Variants in DLST observed in about 807,000 individuals in gnomAD.
DLST encodes the protein dihydrolipoyllysine-residue succinyltransferase component of 2-oxoglutarate dehydrogenase complex, mitochondrial.
A neutral mutation model predicts 53.1 loss-of-function variants in DLST; 17 were observed. That is an observed-to-expected ratio of 0.32 (90% CI 0.22 to 0.48). The LOEUF is 0.48. Among genes scored for constraint, DLST ranks in the 20% least tolerant of loss-of-function variants. The pLI is 0.99. For synonymous variants in DLST, 206 were observed against 204.8 expected, an observed-to-expected ratio of 1.01 and a Z score of -0.05; for missense variants, 512 against 583.9, an observed-to-expected ratio of 0.88 and a Z score of 1.27.
rs150218582 is a variant in DLST, at chr14:74,899,021, G to T, written c.901+522G>T. Among the ~76,000 whole-genome samples, 1,038 of 152,270 alleles carry T rather than the reference G, an allele frequency of 6.8e-3. 11 individuals carry two copies. Among genetic ancestry groups the T allele is most frequent in the Non-Finnish European group, 0.012 (787 of 68,030 alleles). On this transcript the variant is annotated intron_variant, in intron 11 of 14. Transcript: ENST00000334220. ...CTAACAAGCACTTTGTTTTCCTGTT[G>T]ACACACTTCTCTGTTCCTTGGGAGA...
At chr14:74,889,605 A>G in intron 5 of DLST, 1 of 536,300 alleles carries the variant, frequency 1.9e-6, no homozygotes, top group Non-Finnish European at 3.3e-6. Flanking sequence ...TCCTGACCTC[A>G]GGTGATCTGC....
intron 2 of DLST, among the ~76,000 whole-genome samples, chr14:74,884,156 G>A (rs1448599018): frequency 6.6e-6 from 1 of 152,190 alleles, no homozygotes; most frequent in Non-Finnish European, 1.5e-5. Flanking sequence ...TTGTGCAAAG[G>A]TTTTCAGACA....
intron 2 of DLST, among the ~76,000 whole-genome samples, chr14:74,884,248 C>T (rs562366931): frequency 3.9e-4 from 60 of 152,280 alleles, no homozygotes; most frequent in Middle Eastern, 3.4e-3. Context: ...TACAGGATCG[C>T]GTAAAGTGTG....
At chr14:74,888,151 A>G (rs1172792085) in intron 3 of DLST, among the ~76,000 whole-genome samples, 1 of 152,210 alleles carries the variant, frequency 6.6e-6, no homozygotes, top group African/African-American at 2.4e-5. Context: ...CCATATCAGT[A>G]AACGCCTTGG....
At position 74,893,365 on chromosome 14, in the gene DLST, ACT is replaced by A; in HGVS notation, c.614_615del (p.Thr205SerfsTer7). On this transcript the variant is annotated frameshift_variant, in exon 9 of 15. Transcript: ENST00000334220. LOFTEE classifies it high-confidence loss of function. The stretch of plus-strand genomic sequence containing the variant: ...ATTTTCAGTGTCTGCAGTAAAACCC[ACT>A]GTTGCCCCACCACTAGCTGAGCCAG... The part of the protein sequence containing the change: ...SGKPVSAVKP[T>X]VAPPLAEPGA... 6.2e-7 allele frequency: 1 copy of A among 1,614,142 alleles called. No homozygotes were observed. Among genetic ancestry groups the A allele is most frequent in the Non-Finnish European group, 8.5e-7 (1 of 1,180,026 alleles).
chr14:74,891,314 AGT>A, intron 7 of DLST, 147 bp downstream of exon 7: 1 of 1,430,678 alleles, frequency 7.0e-7, no homozygotes, highest in East Asian at 2.5e-5. Flanking sequence ...ATTTATATAT[AGT>A]GTGAACTTCA....
At chr14:74,893,959 T>C (rs1883993685) in intron 9 of DLST, among the ~76,000 whole-genome samples, 1 of 152,252 alleles carries the variant, frequency 6.6e-6, no homozygotes, top group African/African-American at 2.4e-5. Context: ...GCTATTCTTA[T>C]GCAAATCTTT....
At chr14:74,893,068 A>T in intron 8 of DLST, 82 bp downstream of exon 8, 2 of 1,486,160 alleles carry the variant, frequency 1.3e-6, no homozygotes, top group East Asian at 4.8e-5. Flanking sequence ...TAGACTGATG[A>T]TGGTTCTGAA....
At chr14:74,891,271 C>G (rs953883113) in intron 7 of DLST, 104 bp downstream of exon 7, 2 of 1,548,598 alleles carry the variant, frequency 1.3e-6, no homozygotes, top group Non-Finnish European at 1.8e-6. Flanking sequence ...TCTTGTCATT[C>G]CAGCTGCCCT....
At chr14:74,891,871 A>G in intron 7 of DLST, 2 of 984,588 alleles carry the variant, frequency 2.0e-6, no homozygotes, top group South Asian at 4.7e-5. Context: ...CCAGAAGCTC[A>G]GAGTAGAAAA....
intron 7 of DLST, chr14:74,891,980 GAAAC>G (rs1480321655): frequency 2.3e-6 from 1 of 429,450 alleles, no homozygotes; most frequent in African/African-American, 2.2e-5. Flanking sequence ...GTGAAAAACA[GAAAC>G]AAACATTTCA....
chr14:74,895,483 C>T (rs551194126), intron 10 of DLST, among the ~76,000 whole-genome samples: 2 of 152,294 alleles, frequency 1.3e-5, no homozygotes, highest in East Asian at 3.9e-4. Flanking sequence ...ACGCTGGGCA[C>T]CATGGCTCGT....
intron 10 of DLST, 30 bp downstream of exon 10, chr14:74,894,439 G>C (rs770792852): frequency 3.7e-6 from 6 of 1,604,030 alleles, no homozygotes; most frequent in Middle Eastern, 3.3e-4. Context: ...TTATCCCCTA[G>C]GCCCCTTTTT....
chr14:74,885,669 C>G (rs763539320), intron 3 of DLST, 35 bp downstream of exon 3: 1 of 1,565,986 alleles, frequency 6.4e-7, no homozygotes, highest in African/African-American at 1.4e-5. Context: ...TATGTGGCCA[C>G]GGGTTATTTA....
intron 7 of DLST, 56 bp downstream of exon 7, chr14:74,891,223 C>CTGAG: frequency 6.2e-7 from 1 of 1,612,080 alleles, no homozygotes; most frequent in Non-Finnish European, 8.5e-7. Flanking sequence ...GGGATTGGGA[C>CTGAG]TGAGCATAAT....
chr14:74,890,993 T>C, intron 6 of DLST, 63 bp from the exon 7 acceptor site: 1 of 1,568,714 alleles, frequency 6.4e-7, no homozygotes, highest in South Asian at 1.2e-5. Context: ...GGAGATTCTA[T>C]ACAGCTAATT....
At chr14:74,899,848 G>C in intron 11 of DLST, 75 bp from the exon 12 acceptor site, 1 of 1,197,596 alleles carries the variant, frequency 8.4e-7, no homozygotes, top group Non-Finnish European at 1.2e-6. Flanking sequence ...TTTTTACTCT[G>C]TTAATGCACA....
chr14:74,894,867 A>G (rs935782371), intron 10 of DLST, among the ~76,000 whole-genome samples: 2 of 152,058 alleles, frequency 1.3e-5, no homozygotes, highest in Non-Finnish European at 2.9e-5. Flanking sequence ...TAACTTTCAC[A>G]GAGTGAGCCG....
intron 12 of DLST, 39 bp from the exon 13 acceptor site, chr14:74,900,250 A>C (rs1296715096): frequency 1.3e-6 from 2 of 1,583,426 alleles, no homozygotes; most frequent in Non-Finnish European, 1.7e-6. Context: ...AAAAGGTACT[A>C]TTAATTTGCA....
Sources: gnomAD v4.1 joint callset for allele counts (sites outside exome capture counted in the v4.1 genomes callset) on GRCh38, gnomAD v4.1.1 for gene constraint, MANE v1.5 for transcripts, NCBI Gene and HGNC (gene_info 2026-07-23, HGNC 2026-07-21) for gene names.